Variants in DPP10 observed in about 807,000 individuals in gnomAD.
DPP10 encodes the protein inactive dipeptidyl peptidase 10.
A neutral mutation model predicts 120.9 loss-of-function variants in DPP10; 33 were observed. The ratio of observed to expected loss-of-function variants is 0.27; its 90% CI spans 0.21 to 0.37. DPP10 has a LOEUF of 0.37. DPP10 is among the 10% of genes least tolerant of loss of function. The probability of loss-of-function intolerance (pLI) is 1.00; values close to 1 mark genes in which losing one functional copy is unlikely to be tolerated. For synonymous variants in DPP10, 337 were observed against 326.1 expected (o/e 1.03, Z -0.36); for missense variants, 816 against 942.8 (o/e 0.87, Z 1.76).
intron 13 of DPP10, among the ~76,000 whole-genome samples, chr2:115,774,209 T>TACACACACACACACAC (rs3069387): frequency 3.1e-4 from 45 of 147,522 alleles, no homozygotes; most frequent in African/African-American, 1.1e-3. Flanking sequence ...AAAACACACA[T>TACACACACACACACAC]ACACACACAC....
Position 115,238,438 on chromosome 2 carries a change from A to G in DPP10, c.61-70801A>G, listed in dbSNP as rs543808215. 5.3e-5 allele frequency among the ~76,000 whole-genome samples: 8 copies of G among 152,354 alleles called. No individual in the cohort carries two copies. The South Asian group carries it at 1.0e-3, about 20-fold the overall frequency. ...GGAGAATAATGTTTTCAGGCCTGCC[A>G]GCACAACATTCATTGTACAGCCCTT... On this transcript the variant is annotated intron_variant, in intron 1 of 25. Transcript: ENST00000410059.
chr2:115,466,293 A>C (rs2074322116), intron 3 of DPP10, among the ~76,000 whole-genome samples: 1 of 152,168 alleles, frequency 6.6e-6, no homozygotes, highest in South Asian at 2.1e-4. Flanking sequence ...TTTAACTTTT[A>C]ATATCACAGA....
rs376825705 is a variant in DPP10 at position 114,654,667 on chromosome 2, T to G, written c.60+211829T>G. ...ATGACTTTTTTTTTCTTTTGAAAAT[T>G]TTGTAAGATCTGGCAGCATTGGGCC... On this transcript the variant is annotated intron_variant, in intron 1 of 25. Coordinates refer to ENST00000410059, the MANE Select transcript of DPP10 (RefSeq NM_020868.6). 3.7e-4 allele frequency among the ~76,000 whole-genome samples: 56 copies of G among 152,248 alleles called. 1 individual carries two copies. The East Asian group carries it at 7.7e-3, about 21-fold the overall frequency.
At chr2:115,570,573 A>G (rs886718652) in intron 5 of DPP10, among the ~76,000 whole-genome samples, 7 of 152,194 alleles carry the variant, frequency 4.6e-5, no homozygotes, top group Admixed American at 6.5e-5. Flanking sequence ...TCCACCTGCC[A>G]TCTCGCTCTG....
chr2:115,347,974 T>G (rs888245744), intron 3 of DPP10, among the ~76,000 whole-genome samples: 1 of 152,054 alleles, frequency 6.6e-6, no homozygotes, highest in Admixed American at 6.6e-5. Context: ...GTAAAATGAT[T>G]TGGGAGTAAT....
intron 1 of DPP10, among the ~76,000 whole-genome samples, chr2:114,807,088 C>T (rs1037034702): frequency 7.2e-5 from 11 of 152,170 alleles, no homozygotes; most frequent in African/African-American, 2.4e-4. Context: ...ACATAATGCA[C>T]ATATGAGAAA....
intron 1 of DPP10, among the ~76,000 whole-genome samples, chr2:114,761,394 G>T (rs925896908): frequency 1.3e-5 from 2 of 152,082 alleles, no homozygotes; most frequent in Non-Finnish European, 2.9e-5. Flanking sequence ...ACTGTATAAG[G>T]AGGCATTCCA....
chr2:115,458,862 T>C (rs2073793829), intron 3 of DPP10, among the ~76,000 whole-genome samples: 1 of 152,208 alleles, frequency 6.6e-6, no homozygotes, highest in South Asian at 2.1e-4. Flanking sequence ...GTTAAACATG[T>C]AAAATATACA....
intron 1 of DPP10, among the ~76,000 whole-genome samples, chr2:114,970,169 A>G (rs2104781320): frequency 6.6e-6 from 1 of 152,252 alleles, no homozygotes; most frequent in East Asian, 1.9e-4. Flanking sequence ...CAAGTTTTCA[A>G]CATAATTGCA....
chr2:115,521,503 G>C (rs528641736), intron 4 of DPP10, among the ~76,000 whole-genome samples: 2 of 152,012 alleles, frequency 1.3e-5, no homozygotes, highest in Non-Finnish European at 2.9e-5. Flanking sequence ...ATTTTCTCCA[G>C]TGAGAATGTT....
At chr2:115,580,536 C>T (rs1229791128) in intron 5 of DPP10, among the ~76,000 whole-genome samples, 12 of 152,150 alleles carry the variant, frequency 7.9e-5, no homozygotes. Flanking sequence ...CTATCTTCCT[C>T]TTCACATGTG....
intron 2 of DPP10, among the ~76,000 whole-genome samples, chr2:115,340,975 C>T (rs933240470): frequency 2.0e-5 from 3 of 151,828 alleles, no homozygotes; most frequent in East Asian, 1.9e-4. Context: ...GGTAAATTTA[C>T]GTGATAGGGA....
At chr2:115,609,151 G>T (rs1170024377) in intron 5 of DPP10, among the ~76,000 whole-genome samples, 1 of 152,068 alleles carries the variant, frequency 6.6e-6, no homozygotes, top group African/African-American at 2.4e-5. Context: ...CTCAGAAAGG[G>T]TCTTCATAAT....
chr2:115,557,751 GA>G (rs2080305797), intron 5 of DPP10, among the ~76,000 whole-genome samples: 2 of 152,280 alleles, frequency 1.3e-5, no homozygotes, highest in South Asian at 4.1e-4. Context: ...CAAGGTTAGA[GA>G]GTAAAAAAAG....
At chr2:114,911,992 A>G (rs920344859) in intron 1 of DPP10, among the ~76,000 whole-genome samples, 1 of 152,144 alleles carries the variant, frequency 6.6e-6, no homozygotes, top group Non-Finnish European at 1.5e-5. Flanking sequence ...TTTTGAGTAA[A>G]TTTTACTGGA....
chr2:114,852,529 A>G (rs975158049), intron 1 of DPP10, among the ~76,000 whole-genome samples: 6 of 152,110 alleles, frequency 3.9e-5, no homozygotes, highest in Non-Finnish European at 7.3e-5. Context: ...TAATCTAGAG[A>G]CGATTTAAAG....
At position 114,442,650 on chromosome 2, in the gene DPP10, A is replaced by T; in HGVS notation, c.-129A>T. On this transcript the variant is annotated 5_prime_UTR_variant, in exon 1 of 26. Coordinates refer to ENST00000410059, the MANE Select transcript of DPP10 (RefSeq NM_020868.6). ...AGGAAGCAGCAGAAACAGAAGCAGC[A>T]GAAGCAACAGCAGTAGCAGCGGCAG... is the stretch of plus-strand genomic sequence containing the variant. 1 of 1,008,290 alleles carries T rather than the reference A, an allele frequency of 9.9e-7. No individual in the cohort carries two copies. The highest frequency in any genetic ancestry group is 1.5e-6 in the Non-Finnish European group (1 of 663,418). 62.5% of individuals were successfully genotyped at this position (1,008,290 alleles called of 1,614,324 possible). A position where few individuals can be genotyped will look rare whatever the true frequency, so the allele number is the denominator to read the frequency against.
intron 7 of DPP10, among the ~76,000 whole-genome samples, chr2:115,724,259 G>A (rs1169700446): frequency 6.6e-6 from 1 of 152,188 alleles, no homozygotes; most frequent in Non-Finnish European, 1.5e-5. Context: ...AGTGTGGAGA[G>A]AATCTGCCTA....
At chr2:115,090,518 A>G (rs1053621962) in intron 1 of DPP10, among the ~76,000 whole-genome samples, 2 of 152,198 alleles carry the variant, frequency 1.3e-5, no homozygotes, top group African/African-American at 2.4e-5. Flanking sequence ...TAGGTTTGTC[A>G]TCTCAAATAC....
Sources: gnomAD v4.1 joint callset for allele counts (sites outside exome capture counted in the v4.1 genomes callset) on GRCh38, gnomAD v4.1.1 for gene constraint, MANE v1.5 for transcripts, NCBI Gene and HGNC (gene_info 2026-07-23, HGNC 2026-07-21) for gene names.